Variants in AMBRA1 observed in about 807,000 individuals in gnomAD.
AMBRA1 encodes autophagy and beclin 1 regulator 1.
In AMBRA1, 47 loss-of-function variants were observed where a neutral mutation model predicts 125.4. The ratio of observed to expected loss-of-function variants is 0.37; its 90% confidence interval spans 0.30 to 0.48. AMBRA1 has a LOEUF of 0.48. Ranked by LOEUF, AMBRA1 falls within the 20% of genes least tolerant of loss-of-function variation. The pLI, the probability that AMBRA1 is intolerant of heterozygous loss-of-function variation, is 0.99. For missense variants in AMBRA1, 1,331 were observed against 1,693.4 expected (o/e 0.79, Z 3.76); for synonymous variants, 626 against 655.5 (o/e 0.95, Z 0.69).
chr11:46,427,877 C>T (rs1341004928), intron 14 of AMBRA1, among the ~76,000 whole-genome samples: 2 of 151,858 alleles, frequency 1.3e-5, no homozygotes, highest in African/African-American at 2.4e-5. Flanking sequence ...GGAGTGGTGG[C>T]GAGTGCCTGT....
intron 11 of AMBRA1, chr11:46,451,774 C>T (rs540344187): frequency 6.6e-6 from 1 of 151,730 alleles, no homozygotes; most frequent in Non-Finnish European, 1.5e-5. Context: ...CCTGGAGACA[C>T]AATTACTATC....
chr11:46,483,989 A>C (rs1463283461), intron 11 of AMBRA1, among the ~76,000 whole-genome samples: 4 of 152,130 alleles, frequency 2.6e-5, no homozygotes, highest in African/African-American at 9.7e-5. Flanking sequence ...AAAACTACTG[A>C]AGTAGATGGG....
In AMBRA1 at chr11:46,547,256, T is replaced by C; in HGVS notation, c.235A>G (p.Ile79Val). ...CACTTGCCAGTCTTCACCTCCGTAA[T>C]ATAGATATTATGGTTCACATGGGTG... The part of the protein sequence containing the change: ...ASTHVNHNIY[I>V]TEVKTGKCVH... Residue 79 changes from isoleucine (I) to valine (V), a missense_variant, in exon 4 of 18, where the codon ATT becomes GTT. Physicochemically the swap from Ile to Val is conservative, Grantham distance 29. This residue lies in a region of AMBRA1 where 144 missense variants were observed against 250.4 expected (regional missense o/e 0.58). Coordinates refer to ENST00000683756, the MANE Select transcript of AMBRA1 (RefSeq NM_001387011.1). 2 of 1,613,720 alleles carry C rather than the reference T, an allele frequency of 1.2e-6. No individual in the cohort carries two copies. The highest frequency in any genetic ancestry group is 1.7e-6 in the Non-Finnish European group (2 of 1,179,912).
At chr11:46,431,232 T>A (rs1032614394) in intron 14 of AMBRA1, among the ~76,000 whole-genome samples, 1 of 152,170 alleles carries the variant, frequency 6.6e-6, no homozygotes, top group African/African-American at 2.4e-5. Flanking sequence ...TCTAGGTACT[T>A]CAGCTCCCTT....
At chr11:46,465,063 A>G (rs1949268842) in intron 11 of AMBRA1, among the ~76,000 whole-genome samples, 1 of 150,790 alleles carries the variant, frequency 6.6e-6, no homozygotes, top group African/African-American at 2.5e-5. Context: ...AATAAAAAAT[A>G]AAAAAAAATA....
chr11:46,434,820 G>A (rs1565155259), intron 13 of AMBRA1, 29 bp downstream of exon 13: 11 of 1,553,746 alleles, frequency 7.1e-6, no homozygotes, highest in Non-Finnish European at 9.6e-6. Context: ...GCGTCCCTCT[G>A]TCATTAGGTT....
chr11:46,504,788 T>C (rs1950969286), intron 9 of AMBRA1: 1 of 152,206 alleles, frequency 6.6e-6, no homozygotes, highest in Non-Finnish European at 1.5e-5. Flanking sequence ...GGCTCAAAAA[T>C]GGTGGTACAT....
At chr11:46,414,671 C>T (rs2136638048) in intron 15 of AMBRA1, among the ~76,000 whole-genome samples, 1 of 151,954 alleles carries the variant, frequency 6.6e-6, no homozygotes, top group South Asian at 2.1e-4. Flanking sequence ...TGGCAGGCAG[C>T]CAGAGGCACA....
At chr11:46,554,430 C>T (rs2043105807) in intron 1 of AMBRA1, among the ~76,000 whole-genome samples, 1 of 151,996 alleles carries the variant, frequency 6.6e-6, no homozygotes, top group Admixed American at 6.6e-5. Flanking sequence ...ATATCAATAC[C>T]AAGAAAAAAA....
At chr11:46,423,916 A>G (rs1261057276) in intron 14 of AMBRA1, among the ~76,000 whole-genome samples, 3 of 152,032 alleles carry the variant, frequency 2.0e-5, no homozygotes, top group Non-Finnish European at 2.9e-5. Flanking sequence ...GGCATGGGCC[A>G]CCACGCCTGG....
chr11:46,415,621 GGGCCCTAA>G (rs1946505600), intron 15 of AMBRA1, among the ~76,000 whole-genome samples: 2 of 152,248 alleles, frequency 1.3e-5, no homozygotes, highest in African/African-American at 4.8e-5. Flanking sequence ...CTTACATTTT[GGGCCCTAA>G]GGCTTGAGGC....
chr11:46,434,648 C>T (rs376197996), intron 13 of AMBRA1, among the ~76,000 whole-genome samples: 11 of 152,174 alleles, frequency 7.2e-5, no homozygotes, highest in African/African-American at 2.4e-4. Flanking sequence ...CAGGGGCATG[C>T]GGTAGGACTC....
chr11:46,529,222 C>T (rs770073143), intron 7 of AMBRA1, among the ~76,000 whole-genome samples: 1 of 152,232 alleles, frequency 6.6e-6, no homozygotes, highest in Non-Finnish European at 1.5e-5. Context: ...AAGAAGGTTG[C>T]TCTCATACTG....
chr11:46,569,765 AC>A (rs1046907206), intron 1 of AMBRA1, among the ~76,000 whole-genome samples: 1 of 151,798 alleles, frequency 6.6e-6, no homozygotes, highest in Non-Finnish European at 1.5e-5. Context: ...TGACCAGCCA[AC>A]ATGGCTGGTC....
rs1204357368 is a variant in AMBRA1, at chr11:46,545,745, T to C, written c.410A>G (p.Asn137Ser). The change falls in exon 5 of 18, where the codon AAC becomes AGC. Residue 137 changes from asparagine to serine, a missense_variant. Physicochemically the swap from Asn to Ser is conservative, Grantham distance 46 (BLOSUM62 1). This residue lies in a region of AMBRA1 where 144 missense variants were observed against 250.4 expected (regional missense o/e 0.58). Coordinates refer to ENST00000683756, the MANE Select transcript of AMBRA1 (RefSeq NM_001387011.1). ...GAAAGCCAGGGAGGCAATGGCATTG[T>C]TGCTATCTGTGAACCAGCTTTCACT... ...GGSESWFTDS[N>S]NAIASLAFHP... is the part of the protein sequence containing the mutation. The C allele has an allele frequency of 6.2e-7, 1 of 1,614,188 alleles. No individual in the cohort carries two copies. The highest frequency in any genetic ancestry group is 8.5e-7 in the Non-Finnish European group (1 of 1,180,022).
Position 46,402,906 on chromosome 11 carries a change from C to T in AMBRA1, c.3404-4963G>A, listed in dbSNP as rs1300652677. On this transcript the variant is annotated intron_variant, in intron 17 of 17. Coordinates refer to ENST00000683756, the MANE Select transcript of AMBRA1 (RefSeq NM_001387011.1). ...ATGAGCTATGCTTCCCTCCTGGGAA[C>T]TCTAAGCCAAGGCTAAGAGCAACTG... Among the ~76,000 whole-genome samples the T allele has an allele frequency of 2.0e-5, 3 of 152,190 alleles. No homozygotes were observed. In the East Asian group the frequency reaches 5.8e-4, roughly 29 times the overall value.
chr11:46,560,623 G>GAAAACAGT (rs1236563871), intron 1 of AMBRA1, among the ~76,000 whole-genome samples: 1 of 152,170 alleles, frequency 6.6e-6, no homozygotes, highest in African/African-American at 2.4e-5. Context: ...TTATTCTGGA[G>GAAAACAGT]AAAACAGTGT....
intron 17 of AMBRA1, among the ~76,000 whole-genome samples, chr11:46,406,861 C>T (rs542058716): frequency 1.7e-4 from 25 of 150,362 alleles, no homozygotes; most frequent in South Asian, 8.4e-4. Flanking sequence ...CCAGCCTCTG[C>T]GACAGAGTGA....
Position 46,445,542 on chromosome 11 carries a change from C to T in AMBRA1, c.2522-1944G>A, listed in dbSNP as rs2171667. ...TCATGAGGAGGGTAAGATACCTGAACGACTTTATTAAAAGGAACTTTCTTG... is the reference window on the plus strand; with the variant it reads ...TCATGAGGAGGGTAAGATACCTGAATGACTTTATTAAAAGGAACTTTCTTG... On this transcript the variant is annotated intron_variant, in intron 11 of 17. Transcript: ENST00000683756. 3.3e-3 allele frequency among the ~76,000 whole-genome samples: 507 copies of T among 152,106 alleles called. 3 individuals carry two copies. The highest frequency in any genetic ancestry group is 6.5e-3 in the African/African-American group (269 of 41,458).
Sources: gnomAD v4.1 joint callset for allele counts (sites outside exome capture counted in the v4.1 genomes callset) on GRCh38, gnomAD v4.1.1 for gene constraint, gnomAD v4.1.1 regional missense constraint, MANE v1.5 for transcripts, NCBI Gene and HGNC (gene_info 2026-07-23, HGNC 2026-07-21) for gene names.